The following NELL2 variants were observed in gnomAD, a reference collection of about 807,000 sequenced individuals.
The protein encoded by NELL2 is neural EGFL like 2.
Under a neutral mutation model 109.6 loss-of-function variants are expected in NELL2, and 41 were observed. The ratio of observed to expected loss-of-function variants is 0.37; its 90% CI spans 0.29 to 0.49. The LOEUF (loss-of-function observed/expected upper bound fraction) is 0.49, where lower values mean the gene tolerates loss of function less well. Ranked by LOEUF, NELL2 falls within the 20% of genes least tolerant of loss-of-function variation. The pLI is 0.98. For synonymous variants in NELL2, 355 were observed against 344.7 expected (o/e 1.03, Z -0.33); for missense variants, 900 against 1,008.3 (o/e 0.89, Z 1.45).
chr12:44,785,246 C>T (rs1012011625), intron 3 of NELL2, among the ~76,000 whole-genome samples: 2 of 152,104 alleles, frequency 1.3e-5, no homozygotes, highest in Admixed American at 6.5e-5. Flanking sequence ...AACAGAGAAA[C>T]ACAGAGCCAA....
At chr12:44,574,042 G>T (rs1410413404) in intron 15 of NELL2, among the ~76,000 whole-genome samples, 1 of 151,874 alleles carries the variant, frequency 6.6e-6, no homozygotes, top group African/African-American at 2.4e-5. Flanking sequence ...AAGGGTTTTT[G>T]CTTGTTTGTT....
At chr12:44,904,182 T>C (rs1945694500) in intron 1 of NELL2, among the ~76,000 whole-genome samples, 1 of 151,992 alleles carries the variant, frequency 6.6e-6, no homozygotes, top group African/African-American at 2.4e-5. Flanking sequence ...CAAATTAAAA[T>C]AATAAATTAA....
intron 1 of NELL2, among the ~76,000 whole-genome samples, chr12:44,896,162 G>A (rs1945590570): frequency 6.6e-6 from 1 of 152,116 alleles, no homozygotes; most frequent in Non-Finnish European, 1.5e-5. Context: ...GCAAGGAGAT[G>A]TCATTTTTTA....
At chr12:44,884,409 T>G (rs936056181) in intron 1 of NELL2, among the ~76,000 whole-genome samples, 1 of 152,062 alleles carries the variant, frequency 6.6e-6, no homozygotes, top group Admixed American at 6.5e-5. Flanking sequence ...TCTACATTCC[T>G]CTTTCATAAT....
intron 15 of NELL2, among the ~76,000 whole-genome samples, chr12:44,562,213 C>G (rs997980455): frequency 6.6e-6 from 1 of 152,110 alleles, no homozygotes; most frequent in African/African-American, 2.4e-5. Flanking sequence ...TATAAAAACC[C>G]TAGAAGAAAA....
At chr12:44,576,639 G>A (rs536300540) in intron 15 of NELL2, among the ~76,000 whole-genome samples, 59 of 151,726 alleles carry the variant, frequency 3.9e-4, no homozygotes, top group African/African-American at 1.3e-3. Context: ...ATGCTGGTGC[G>A]CTGCACCCAC....
rs1944387581 is a variant in NELL2 at position 44,846,895 on chromosome 12, A to T, written c.184+28330T>A. On this transcript the variant is annotated intron_variant, in intron 2 of 19. Coordinates refer to ENST00000429094, the MANE Select transcript of NELL2 (RefSeq NM_001145108.2). ...AACCTTCCAAAATTAAAAACAACCC[A>T]TCCATATACTGTGGCATTCTGAGAT... 2.0e-5 allele frequency among the ~76,000 whole-genome samples: 3 copies of T among 152,226 alleles called. No individual in the cohort carries two copies. The South Asian group carries it at 6.2e-4, about 31-fold the overall frequency.
In NELL2 at chr12:44,913,255, T is replaced by A. The variant is rs75849495; in HGVS notation, c.38+544A>T. On this transcript the variant is annotated intron_variant, in intron 1 of 20. Coordinates refer to the NELL2 transcript ENST00000333837. Reference sequence around the variant, plus strand: ...TTGAGTAGGAAGCTTTATTGAAACATCAATCTTTACCCTAGATAGTGAGCC... The same window carrying A: ...TTGAGTAGGAAGCTTTATTGAAACAACAATCTTTACCCTAGATAGTGAGCC... Among the ~76,000 whole-genome samples, 28 of 152,248 alleles carry A rather than the reference T, an allele frequency of 1.8e-4. No homozygotes were observed. The East Asian group carries it at 5.4e-3, about 29-fold the overall frequency.
chr12:44,859,849 A>G lies in NELL2; in HGVS notation c.184+15376T>C, dbSNP rs1005852854. Among the ~76,000 whole-genome samples, 5 of 152,164 alleles carry G rather than the reference A, an allele frequency of 3.3e-5. No individual in the cohort carries two copies. The East Asian group carries it at 9.6e-4, about 29-fold the overall frequency. On this transcript the variant is annotated intron_variant, in intron 2 of 19. Transcript: ENST00000429094. ...TGTCAAGATTGCTCCAGGTCCTCCA[A>G]AATCAAGGCAGTGTTCCTCTGATAT...
At chr12:44,559,629 C>T (rs1414120408) in intron 15 of NELL2, among the ~76,000 whole-genome samples, 1 of 152,282 alleles carries the variant, frequency 6.6e-6, no homozygotes, top group South Asian at 2.1e-4. Flanking sequence ...GAAGAGCTAC[C>T]TATCCTAAAT....
chr12:44,553,358 T>C (rs1943118862), intron 15 of NELL2, among the ~76,000 whole-genome samples: 1 of 152,006 alleles, frequency 6.6e-6, no homozygotes, highest in South Asian at 2.1e-4. Context: ...CCTTTGACCC[T>C]AAGAAAGTAG....
chr12:44,833,837 C>T (rs1228120175), intron 2 of NELL2, among the ~76,000 whole-genome samples: 1 of 152,150 alleles, frequency 6.6e-6, no homozygotes. Flanking sequence ...ATTACCAGGT[C>T]GGTCCAACTA....
At chr12:44,765,850 T>G (rs1022169333) in intron 9 of NELL2, among the ~76,000 whole-genome samples, 1 of 152,136 alleles carries the variant, frequency 6.6e-6, no homozygotes, top group Non-Finnish European at 1.5e-5. Flanking sequence ...ATTGGCAGGA[T>G]GCAGTGGCTC....
At chr12:44,748,413 G>A (rs1000623117) in intron 9 of NELL2, among the ~76,000 whole-genome samples, 2 of 151,816 alleles carry the variant, frequency 1.3e-5, no homozygotes, top group Non-Finnish European at 2.9e-5. Flanking sequence ...TTTGCATTTC[G>A]TCATGATCCT....
At chr12:44,800,998 C>T (rs1018843218) in intron 3 of NELL2, among the ~76,000 whole-genome samples, 1 of 152,100 alleles carries the variant, frequency 6.6e-6, no homozygotes, top group African/African-American at 2.4e-5. Flanking sequence ...GATTCATAGG[C>T]CACCCACTGA....
intron 2 of NELL2, 49 bp downstream of exon 2, chr12:44,875,176 G>T (rs781703386): frequency 1.3e-6 from 2 of 1,581,300 alleles, no homozygotes; most frequent in African/African-American, 1.3e-5. Context: ...ACTCCTGCCG[G>T]GGTTATCGGA....
intron 2 of NELL2, among the ~76,000 whole-genome samples, chr12:44,843,593 C>T (rs529788833): frequency 6.6e-6 from 1 of 152,306 alleles, no homozygotes; most frequent in Non-Finnish European, 1.5e-5. Flanking sequence ...TTCTGTGCTG[C>T]TGTAACAAAA....
chr12:44,681,357 T>TTTG (rs201210153), intron 12 of NELL2, among the ~76,000 whole-genome samples: 2 of 149,988 alleles, frequency 1.3e-5, no homozygotes, highest in East Asian at 1.9e-4. Context: ...TAAAAGCTTT[T>TTTG]TTGTTGTTGT....
intron 9 of NELL2, among the ~76,000 whole-genome samples, chr12:44,719,526 C>T (rs1938660267): frequency 6.6e-6 from 1 of 152,130 alleles, no homozygotes; most frequent in African/African-American, 2.4e-5. Context: ...CTTTAAACTT[C>T]CCAGTTGGTA....
Sources: gnomAD v4.1 joint callset for allele counts (sites outside exome capture counted in the v4.1 genomes callset) on GRCh38, gnomAD v4.1.1 for gene constraint, MANE v1.5 for transcripts, NCBI Gene and HGNC (gene_info 2026-07-23, HGNC 2026-07-21) for gene names.